Variants in KIAA1328 observed in about 807,000 individuals in gnomAD.
The protein encoded by KIAA1328 is KIAA1328, also known as protein hinderin.
KIAA1328 carries 52 observed loss-of-function variants against 68.1 expected under a neutral mutation model. That is an observed-to-expected ratio of 0.76 (90% CI 0.61 to 0.96). The LOEUF is 0.96. Ranked by LOEUF, KIAA1328 falls within the 40% of genes least tolerant of loss-of-function variation. The pLI, the probability that KIAA1328 is intolerant of heterozygous loss-of-function variation, is 0.00. For synonymous variants in KIAA1328, 232 were observed against 239.4 expected (o/e 0.97, Z 0.28); for missense variants, 641 against 677.6 (o/e 0.95, Z 0.60).
In KIAA1328 at chr18:37,084,127, T is replaced by C. The variant is rs76283483; in HGVS notation, c.1232+16582T>C. ...ATTTTTTAAATTAATTTTTACAGGT[T>C]AAAAGCTCAGGCTCTGTTTAAGTCG... On this transcript the variant is annotated intron_variant, in intron 7 of 9. Transcript: ENST00000280020. 1.7e-5 allele frequency: 25 copies of C among 1,466,880 alleles called. No homozygotes were observed. The Middle Eastern group carries it at 1.0e-3, about 62-fold the overall frequency. The allele number at this position is 1,466,880 out of a possible 1,614,324, so 90.9% of individuals were successfully genotyped here.
chr18:37,129,548 T>C (rs575307641), intron 7 of KIAA1328, among the ~76,000 whole-genome samples: 2 of 152,212 alleles, frequency 1.3e-5, no homozygotes, highest in Non-Finnish European at 2.9e-5. Context: ...TGTGGCATGA[T>C]TCTGAGAAAT....
intron 5 of KIAA1328, among the ~76,000 whole-genome samples, chr18:36,905,910 T>C (rs1462598992): frequency 6.6e-6 from 1 of 152,182 alleles, no homozygotes; most frequent in South Asian, 2.1e-4. Context: ...TAACTTCTCA[T>C]TCAGTGAGAA....
intron 5 of KIAA1328, among the ~76,000 whole-genome samples, chr18:36,905,309 A>G (rs891858143): frequency 6.6e-5 from 10 of 151,810 alleles, no homozygotes; most frequent in Non-Finnish European, 1.5e-4. Flanking sequence ...GATGAGTTTC[A>G]TCGTGTTGGC....
intron 4 of KIAA1328, among the ~76,000 whole-genome samples, chr18:36,862,568 A>G (rs891173017): frequency 1.3e-5 from 2 of 152,200 alleles, no homozygotes; most frequent in Admixed American, 6.5e-5. Context: ...CTGGTATTCC[A>G]TGATAGAGAT....
chr18:37,213,170 T>C (rs1047239693), intron 9 of KIAA1328, among the ~76,000 whole-genome samples: 1 of 152,208 alleles, frequency 6.6e-6, no homozygotes, highest in African/African-American at 2.4e-5. Flanking sequence ...TTTTTATACT[T>C]TAAGTTCTAG....
chr18:37,137,531 A>G (rs942165450), intron 7 of KIAA1328, among the ~76,000 whole-genome samples: 3 of 152,136 alleles, frequency 2.0e-5, no homozygotes, highest in Non-Finnish European at 4.4e-5. Context: ...GTATCCTGCT[A>G]ATTCTCAAAT....
intron 5 of KIAA1328, among the ~76,000 whole-genome samples, chr18:36,951,306 T>C (rs1236519807): frequency 6.6e-6 from 1 of 152,214 alleles, no homozygotes; most frequent in Non-Finnish European, 1.5e-5. Context: ...TCTTGTTCAT[T>C]ATTGTATGTC....
At chr18:37,122,317 A>G (rs1354081216) in intron 7 of KIAA1328, among the ~76,000 whole-genome samples, 2 of 152,132 alleles carry the variant, frequency 1.3e-5, no homozygotes, top group African/African-American at 4.8e-5. Context: ...AGAATGGAAG[A>G]TAATGGGCTT....
At chr18:36,902,824 G>C (rs181163429) in intron 5 of KIAA1328, among the ~76,000 whole-genome samples, 1 of 151,930 alleles carries the variant, frequency 6.6e-6, no homozygotes, top group Non-Finnish European at 1.5e-5. Flanking sequence ...GGACTCTTTG[G>C]CATCCTCTGT....
At chr18:36,915,318 A>G (rs1200041896) in intron 5 of KIAA1328, among the ~76,000 whole-genome samples, 2 of 152,232 alleles carry the variant, frequency 1.3e-5, no homozygotes, top group Non-Finnish European at 2.9e-5. Context: ...AGTATGATAC[A>G]TAAAAGAAAA....
intron 5 of KIAA1328, among the ~76,000 whole-genome samples, chr18:36,926,581 C>A (rs2050127519): frequency 6.6e-6 from 1 of 152,096 alleles, no homozygotes; most frequent in African/African-American, 2.4e-5. Flanking sequence ...CCATACTCTA[C>A]CCTTCAGGTG....
chr18:37,017,055 G>A (rs764495554), intron 6 of KIAA1328, among the ~76,000 whole-genome samples: 3 of 152,110 alleles, frequency 2.0e-5, no homozygotes, highest in Non-Finnish European at 4.4e-5. Context: ...TAGGTGTGAT[G>A]TTAGATCATT....
intron 6 of KIAA1328, among the ~76,000 whole-genome samples, chr18:36,995,525 C>T (rs1396126427): frequency 6.6e-6 from 1 of 152,122 alleles, no homozygotes; most frequent in African/African-American, 2.4e-5. Flanking sequence ...TCCTTTCTGC[C>T]ATTCCTTTAC....
chr18:36,862,072 C>T (rs1052013637), intron 4 of KIAA1328, among the ~76,000 whole-genome samples: 2 of 152,116 alleles, frequency 1.3e-5, no homozygotes, highest in African/African-American at 4.8e-5. Flanking sequence ...ATTGTAGATT[C>T]ACCTGCAGTT....
chr18:37,203,075 T>G, intron 9 of KIAA1328, among the ~76,000 whole-genome samples: 1 of 151,576 alleles, frequency 6.6e-6, no homozygotes, highest in Non-Finnish European at 1.5e-5. Context: ...TTTTAAAGTT[T>G]ACTCAAAAGG....
chr18:37,220,789 C>CT (rs1240187351), intron 9 of KIAA1328, among the ~76,000 whole-genome samples: 1 of 152,116 alleles, frequency 6.6e-6, no homozygotes, highest in Non-Finnish European at 1.5e-5. Context: ...CCTTAGGGCC[C>CT]TATGTGGTAC....
At chr18:36,888,817 C>G (rs949868277) in intron 5 of KIAA1328, among the ~76,000 whole-genome samples, 1 of 152,064 alleles carries the variant, frequency 6.6e-6, no homozygotes, top group East Asian at 1.9e-4. Context: ...ACTACAGATA[C>G]ATTTACCTAT....
chr18:37,030,575 A>T (rs1413367823), intron 6 of KIAA1328, among the ~76,000 whole-genome samples: 1 of 152,174 alleles, frequency 6.6e-6, no homozygotes, highest in Non-Finnish European at 1.5e-5. Flanking sequence ...ATATCATATG[A>T]TCTGGCCAAT....
At chr18:37,220,983 T>C (rs549758015) in intron 9 of KIAA1328, among the ~76,000 whole-genome samples, 9 of 152,114 alleles carry the variant, frequency 5.9e-5, no homozygotes, top group African/African-American at 9.7e-5. Flanking sequence ...CATGCCACCA[T>C]GCCCGCCTAA....
Sources: gnomAD v4.1 joint callset for allele counts (sites outside exome capture counted in the v4.1 genomes callset) on GRCh38, gnomAD v4.1.1 for gene constraint, MANE v1.5 for transcripts, NCBI Gene and HGNC (gene_info 2026-07-23, HGNC 2026-07-21) for gene names.